The following ADAM17 variants were observed in gnomAD, a reference collection of about 807,000 sequenced individuals.
ADAM17 encodes the protein ADAM metallopeptidase domain 17.
In ADAM17, 39 loss-of-function variants were observed where a neutral mutation model predicts 96.7. The ratio of observed to expected loss-of-function variants is 0.40; its 90% CI spans 0.31 to 0.53. The LOEUF is 0.53. ADAM17 is among the 20% of genes least tolerant of loss of function. The pLI is 0.44. For synonymous variants in ADAM17, 344 were observed against 359.2 expected (o/e 0.96, Z 0.48); for missense variants, 777 against 1,013.2 (o/e 0.77, Z 3.17).
Position 9,521,208 on chromosome 2 carries a change from G to T in ADAM17, c.952C>A (p.Leu318Ile). Residue 318 changes from leucine to isoleucine, a missense_variant, in exon 8 of 19, where the codon CTA becomes ATA. Leu to Ile is a conservative substitution (Grantham distance 5). Transcript: ENST00000310823. Reference sequence around the variant, plus strand: ...TCCAGGATTCTAAGACCTACCTCTAGCAACATCTTCACATCCCAAGCATCC... The same window carrying T: ...TCCAGGATTCTAAGACCTACCTCTATCAACATCTTCACATCCCAAGCATCC... ...EKDAWDVKML[L>I]EQFSFDIAEE... 1 of 1,596,638 alleles carries T rather than the reference G, an allele frequency of 6.3e-7. No individual in the cohort carries two copies. The highest frequency in any genetic ancestry group is 8.6e-7 in the Non-Finnish European group (1 of 1,164,534).
chr2:9,525,196 T>A (rs906404209), intron 6 of ADAM17, among the ~76,000 whole-genome samples: 4 of 151,594 alleles, frequency 2.6e-5, no homozygotes, highest in African/African-American at 9.7e-5. Flanking sequence ...CTACTTGTGA[T>A]GCTGAGGCAG....
chr2:9,493,960 A>C, intron 15 of ADAM17, 135 bp from the exon 16 acceptor site: 1 of 662,300 alleles, frequency 1.5e-6, no homozygotes, highest in Non-Finnish European at 2.5e-6. Context: ...ACACAAGGCA[A>C]TAACTTCCGC....
intron 11 of ADAM17, among the ~76,000 whole-genome samples, chr2:9,509,141 A>G (rs1343809042): frequency 1.3e-5 from 2 of 152,212 alleles, no homozygotes; most frequent in Non-Finnish European, 2.9e-5. Flanking sequence ...AGCCAAGCTC[A>G]AAATAGGAGT....
chr2:9,495,957 C>T (rs1004745148), intron 14 of ADAM17, among the ~76,000 whole-genome samples: 1 of 151,442 alleles, frequency 6.6e-6, no homozygotes, highest in African/African-American at 2.4e-5. Flanking sequence ...ACCTTGGCCT[C>T]CCAAAGTGCT....
chr2:9,517,121 AG>A (rs1664095973), intron 10 of ADAM17, among the ~76,000 whole-genome samples: 1 of 152,326 alleles, frequency 6.6e-6, no homozygotes, highest in Admixed American at 6.5e-5. Flanking sequence ...TGAGCCACTG[AG>A]GGTACCTCTG....
At chr2:9,514,405 C>T (rs1319300620) in intron 10 of ADAM17, among the ~76,000 whole-genome samples, 6 of 148,222 alleles carry the variant, frequency 4.0e-5, no homozygotes, top group Non-Finnish European at 8.9e-5. Context: ...AGGAGATATA[C>T]CTAATGTAAA....
At position 9,527,559 on chromosome 2, in the gene ADAM17, T is replaced by C. The variant is rs908263471; in HGVS notation, c.619+227A>G. 11 of 315,528 alleles carry C rather than the reference T, an allele frequency of 3.5e-5. No individual in the cohort carries two copies. The Admixed American group carries it at 4.9e-4, about 14-fold the overall frequency. The allele number at this position is 315,528 out of a possible 1,614,324, so 19.5% of individuals were successfully genotyped here. On this transcript the variant is annotated intron_variant, in intron 5 of 18. Coordinates refer to ENST00000310823, the MANE Select transcript of ADAM17 (RefSeq NM_003183.6). ...ATCACTCCATTTCCCTTTTCCCTAA[T>C]CTTTTTTAAAGTCTAATCTCTGTTG...
chr2:9,499,782 T>G (rs967509405), intron 13 of ADAM17, among the ~76,000 whole-genome samples: 1 of 152,336 alleles, frequency 6.6e-6, no homozygotes, highest in East Asian at 1.9e-4. Context: ...TGTCATACTA[T>G]GCACACGGAA....
At chr2:9,491,076 T>C (rs1662101289) in intron 18 of ADAM17, 25 bp downstream of exon 18, 5 of 1,605,500 alleles carry the variant, frequency 3.1e-6, no homozygotes, top group African/African-American at 1.3e-5. Flanking sequence ...GCGAAGATTA[T>C]GTTTCTTTCA....
At chr2:9,553,602 G>A (rs1665650462) in intron 1 of ADAM17, among the ~76,000 whole-genome samples, 1 of 151,012 alleles carries the variant, frequency 6.6e-6, no homozygotes, top group Non-Finnish European at 1.5e-5. Flanking sequence ...TTGAACCCGG[G>A]AGGCGGAGGT....
chr2:9,527,983 T>C (rs772639498), intron 4 of ADAM17, 29 bp from the exon 5 acceptor site: 32 of 1,368,822 alleles, frequency 2.3e-5, no homozygotes, highest in Non-Finnish European at 3.0e-5. Context: ...ACGACTGAGA[T>C]GGAAAACAAT....
intron 1 of ADAM17, among the ~76,000 whole-genome samples, chr2:9,550,135 G>A (rs1665538932): frequency 6.6e-6 from 1 of 152,162 alleles, no homozygotes; most frequent in African/African-American, 2.4e-5. Flanking sequence ...TAAGTGTCAG[G>A]TGCGGGTTGT....
At chr2:9,524,174 G>C (rs1000167102) in intron 6 of ADAM17, among the ~76,000 whole-genome samples, 1 of 152,042 alleles carries the variant, frequency 6.6e-6, no homozygotes, top group African/African-American at 2.4e-5. Flanking sequence ...CTGGTCAACA[G>C]TAGACTATTA....
At chr2:9,555,463 C>T (rs773001927) in intron 1 of ADAM17, 46 bp downstream of exon 1, 3 of 1,491,686 alleles carry the variant, frequency 2.0e-6, no homozygotes, top group Admixed American at 4.6e-5. Flanking sequence ...TTCCCTCAAA[C>T]GAGCGCTCCA....
intron 10 of ADAM17, 128 bp from the exon 11 acceptor site, chr2:9,510,259 T>G: frequency 1.9e-6 from 2 of 1,042,220 alleles, no homozygotes; most frequent in Non-Finnish European, 1.4e-6. Context: ...AACTGCATGC[T>G]TATAATACCA....
At chr2:9,522,724 T>G (rs568281271) in intron 7 of ADAM17, among the ~76,000 whole-genome samples, 2 of 152,134 alleles carry the variant, frequency 1.3e-5, no homozygotes, top group African/African-American at 4.8e-5. Flanking sequence ...TCCTAGCAAT[T>G]TGAAATAACT....
chr2:9,527,393 T>C (rs1664572311), intron 5 of ADAM17: 1 of 153,502 alleles, frequency 6.5e-6, no homozygotes. Context: ...TGTCCCAAGA[T>C]GGATATAACC....
At chr2:9,529,939 G>C (rs1336972084) in intron 4 of ADAM17, among the ~76,000 whole-genome samples, 1 of 151,800 alleles carries the variant, frequency 6.6e-6, no homozygotes, top group Admixed American at 6.6e-5. Context: ...ACTCCAGCCT[G>C]GGTGACAGAG....
At chr2:9,546,685 G>T (rs1019219270) in intron 1 of ADAM17, among the ~76,000 whole-genome samples, 1 of 149,906 alleles carries the variant, frequency 6.7e-6, no homozygotes, top group Admixed American at 6.6e-5. Flanking sequence ...CTGCCGCACT[G>T]TCTATCTCAG....
Sources: allele counts gnomAD v4.1 joint callset (sites outside exome capture counted in the v4.1 genomes callset), GRCh38; gene constraint gnomAD v4.1.1; transcripts MANE v1.5; gene names NCBI Gene and HGNC (gene_info 2026-07-23, HGNC 2026-07-21).